Variants in RYR3 observed in about 807,000 individuals in gnomAD.
RYR3 encodes ryanodine receptor 3.
Under a neutral mutation model 584.3 loss-of-function variants are expected in RYR3, and 207 were observed. That is an observed-to-expected ratio of 0.35 (90% CI 0.32 to 0.40). The LOEUF (loss-of-function observed/expected upper bound fraction) is 0.40, where lower values mean the gene tolerates loss of function less well. RYR3 is among the 10% of genes least tolerant of loss of function. RYR3 has a pLI of 1.00. For missense variants in RYR3, 5,616 were observed against 6,089.2 expected (o/e 0.92, Z 2.59); for synonymous variants, 2,416 against 2,248.5 (o/e 1.07, Z -2.11).
intron 98 of RYR3, among the ~76,000 whole-genome samples, chr15:33,855,499 C>T (rs562654195): frequency 9.8e-5 from 15 of 152,306 alleles, no homozygotes; most frequent in Admixed American, 3.3e-4. Flanking sequence ...CCATCGTGCC[C>T]GGCCGGAGAT....
At chr15:33,499,163 A>G (rs1452419495) in intron 2 of RYR3, among the ~76,000 whole-genome samples, 1 of 149,378 alleles carries the variant, frequency 6.7e-6, no homozygotes, top group Non-Finnish European at 1.5e-5. Context: ...TAACCTCCCC[A>G]TGCTTACTCC....
intron 2 of RYR3, among the ~76,000 whole-genome samples, chr15:33,475,537 GC>G (rs1359381971): frequency 5.3e-5 from 8 of 152,176 alleles, no homozygotes; most frequent in Non-Finnish European, 8.8e-5. Flanking sequence ...AGGAGGCAAA[GC>G]TCAGGCAGTA....
intron 38 of RYR3, among the ~76,000 whole-genome samples, chr15:33,672,517 T>C (rs965628994): frequency 6.6e-6 from 1 of 152,212 alleles, no homozygotes; most frequent in Non-Finnish European, 1.5e-5. Context: ...CATGTTTGGC[T>C]TCTCTGCTGA....
intron 1 of RYR3, among the ~76,000 whole-genome samples, chr15:33,325,808 C>T (rs954183470): frequency 7.3e-6 from 1 of 137,674 alleles, no homozygotes; most frequent in Non-Finnish European, 1.5e-5. Context: ...CATTTCTTTT[C>T]TTCCTGTTGT....
chr15:33,742,841 T>C lies in RYR3; in HGVS notation c.7899+397T>C, dbSNP rs568597603. 2.6e-5 allele frequency among the ~76,000 whole-genome samples: 4 copies of C among 152,252 alleles called. No homozygotes were observed. The East Asian group carries it at 7.7e-4, about 29-fold the overall frequency. On this transcript the variant is annotated intron_variant, in intron 52 of 103. Coordinates refer to ENST00000634891, the MANE Select transcript of RYR3 (RefSeq NM_001036.6). Reference sequence around the variant, plus strand: ...TGAAATTGAAAGCCTAACCCTTACATGTTTCTGGAAGGCTGGATTTTATTC... The same window carrying C: ...TGAAATTGAAAGCCTAACCCTTACACGTTTCTGGAAGGCTGGATTTTATTC...
chr15:33,639,064 C>A (rs10775210), intron 27 of RYR3, among the ~76,000 whole-genome samples: 121,716 of 152,046 alleles, frequency 0.8, 49,080 homozygotes, highest in Non-Finnish European at 0.84. Flanking sequence ...TTGGACTTTA[C>A]CCTCTAGGAA....
chr15:33,677,008 A>T (rs1381105172), intron 38 of RYR3, among the ~76,000 whole-genome samples: 2 of 152,030 alleles, frequency 1.3e-5, no homozygotes, highest in Non-Finnish European at 2.9e-5. Flanking sequence ...ACTTCACCTT[A>T]CCTCGTTTGA....
At chr15:33,318,832 C>A (rs904745071) in intron 1 of RYR3, among the ~76,000 whole-genome samples, 3 of 152,138 alleles carry the variant, frequency 2.0e-5, no homozygotes, top group Non-Finnish European at 1.5e-5. Flanking sequence ...AAAACGAGAA[C>A]TAAGGTGCCT....
chr15:33,865,342 A>AAAAAAAAAACTGCTGAAAATCTGTGCT lies in RYR3; in HGVS notation c.*124_*125insACTGCTGAAAATCTGTGCTAAAAAAAA. ...TGACATTTTCTAAATGCCTCCCTTA[A>AAAAAAAAAACTGCTGAAAATCTGTGCT]AAAAAAAACTGCTGAAAATCTGTGC... On this transcript the variant is annotated 3_prime_UTR_variant, in exon 104 of 104. Transcript: ENST00000634891. The AAAAAAAAAACTGCTGAAAATCTGTGCT allele has an allele frequency of 4.2e-6, 3 of 708,718 alleles. No homozygotes were observed. In the South Asian group the frequency reaches 6.0e-5, roughly 14 times the overall value. 43.9% of individuals were successfully genotyped at this position (708,718 alleles called of 1,614,324 possible).
At chr15:33,538,862 A>G (rs2055559172) in intron 5 of RYR3, among the ~76,000 whole-genome samples, 1 of 152,170 alleles carries the variant, frequency 6.6e-6, no homozygotes, top group Non-Finnish European at 1.5e-5. Flanking sequence ...CTTCTTTGCT[A>G]TCAATTTCTC....
chr15:33,386,340 C>T (rs779263025), intron 1 of RYR3, among the ~76,000 whole-genome samples: 21 of 152,282 alleles, frequency 1.4e-4, no homozygotes, highest in Non-Finnish European at 2.5e-4. Flanking sequence ...CATAAGATGT[C>T]ACTGAGCCCA....
chr15:33,718,945 GTC>G (rs1215354152), intron 43 of RYR3, among the ~76,000 whole-genome samples: 1 of 152,074 alleles, frequency 6.6e-6, no homozygotes, highest in South Asian at 2.1e-4. Flanking sequence ...TTTACCTCAA[GTC>G]TCTCTCTCTC....
rs1440942248 is a variant in RYR3 at position 33,452,636 on chromosome 15, A to G, written c.52-20783A>G. Among the ~76,000 whole-genome samples the G allele has an allele frequency of 3.9e-5, 6 of 152,176 alleles. No individual in the cohort carries two copies. In the East Asian group the frequency reaches 1.2e-3, roughly 29 times the overall value. On this transcript the variant is annotated intron_variant, in intron 1 of 103. Coordinates refer to ENST00000634891, the MANE Select transcript of RYR3 (RefSeq NM_001036.6). ...GGTTTTATATTTACTAACTCATTTA[A>G]TCCTCAAACAATGTGTGAATAAATG... is the stretch of plus-strand genomic sequence containing the variant.
intron 86 of RYR3, among the ~76,000 whole-genome samples, chr15:33,832,189 G>A (rs369232995): frequency 6.6e-6 from 1 of 151,850 alleles, no homozygotes; most frequent in Non-Finnish European, 1.5e-5. Context: ...CGCTACTCGG[G>A]AGCCTGAGGC....
Position 33,844,888 on chromosome 15 carries a change from GAC to G in RYR3, c.13325_13326del (p.Thr4442ArgfsTer11). The G allele has an allele frequency of 6.2e-7, 1 of 1,613,566 alleles. No individual in the cohort carries two copies. Among genetic ancestry groups the G allele is most frequent in the South Asian group, 1.1e-5 (1 of 91,050 alleles). The stretch of plus-strand genomic sequence containing the variant: ...TCACTGAAGAACCTTTAGAAGAAGA[GAC>G]AGAGGATGTTGCAAACCTATGGAAT... ...KVTEEPLEEETEDVANLWNSF... is the reference protein window; with the variant it reads ...KVTEEPLEEEXEDVANLWNSF... On this transcript the variant is annotated frameshift_variant, in exon 93 of 104. Transcript: ENST00000634891. LOFTEE classifies it high-confidence loss of function.
In RYR3 at chr15:33,445,243, A is replaced by G. The variant is rs192617109; in HGVS notation, c.52-28176A>G. On this transcript the variant is annotated intron_variant, in intron 1 of 103. Coordinates refer to ENST00000634891, the MANE Select transcript of RYR3 (RefSeq NM_001036.6). Reference sequence around the variant, plus strand: ...GCAGTGAGGGTGATGCGAAGGGGGCACATGGGATATGTCTTGGAGTTGGCG... The same window carrying G: ...GCAGTGAGGGTGATGCGAAGGGGGCGCATGGGATATGTCTTGGAGTTGGCG... Among the ~76,000 whole-genome samples, 411 of 152,260 alleles carry G rather than the reference A, an allele frequency of 2.7e-3. 2 individuals are homozygous for G. The highest frequency in any genetic ancestry group is 9.6e-3 in the African/African-American group (399 of 41,550).
At chr15:33,807,636 C>T in intron 70 of RYR3, 67 bp downstream of exon 70, 1 of 1,456,174 alleles carries the variant, frequency 6.9e-7, no homozygotes, top group Non-Finnish European at 9.4e-7. Context: ...CTGGCCCCCT[C>T]TGCACTGTGA....
At chr15:33,477,458 C>T (rs2049481569) in intron 2 of RYR3, among the ~76,000 whole-genome samples, 1 of 151,622 alleles carries the variant, frequency 6.6e-6, no homozygotes, top group African/African-American at 2.4e-5. Context: ...TCCTGTATGC[C>T]ATGGTCCACC....
intron 1 of RYR3, among the ~76,000 whole-genome samples, chr15:33,453,913 C>G (rs115473833): frequency 0.027 from 4,143 of 152,188 alleles, 103 homozygotes; most frequent in African/African-American, 0.06. Context: ...TTCATTGGGT[C>G]CTTTCCTAGG....
Sources: gnomAD v4.1 joint callset for allele counts (sites outside exome capture counted in the v4.1 genomes callset) on GRCh38, gnomAD v4.1.1 for gene constraint, MANE v1.5 for transcripts, NCBI Gene and HGNC (gene_info 2026-07-23, HGNC 2026-07-21) for gene names.